EMC3: variants seen among roughly 807,000 people sequenced by gnomAD.
EMC3 encodes 30 kDa protein.
In EMC3, 13 loss-of-function variants were observed where a neutral mutation model predicts 36.6. The observed-to-expected ratio is 0.35, with a 90% CI of 0.23 to 0.56. The LOEUF is 0.56. Among genes scored for constraint, EMC3 ranks in the 20% least tolerant of loss-of-function variants. The pLI, the probability that EMC3 is intolerant of heterozygous loss-of-function variation, is 0.84. For missense variants in EMC3, 220 were observed against 324.5 expected (o/e 0.68, Z 2.47); for synonymous variants, 120 against 111.9 (o/e 1.07, Z -0.46).
chr3:9,981,111 AG>A (rs1015734048), intron 1 of EMC3, among the ~76,000 whole-genome samples: 10 of 152,160 alleles, frequency 6.6e-5, no homozygotes, highest in Non-Finnish European at 1.3e-4. Flanking sequence ...AGGCTGTGGG[AG>A]GATCACTTGA....
At chr3:9,977,359 G>T in intron 2 of EMC3, 30 bp downstream of exon 2, 1 of 1,593,578 alleles carries the variant, frequency 6.3e-7, no homozygotes. Flanking sequence ...AGTGAATCGT[G>T]GAGCTTTTTA....
chr3:9,979,351 C>T lies in EMC3; in HGVS notation c.156-1905G>A, dbSNP rs535502970. On this transcript the variant is annotated intron_variant, in intron 1 of 7. Coordinates refer to ENST00000245046, the MANE Select transcript of EMC3 (RefSeq NM_001394674.1). ...TATAAGAGATTAGAAATTTAAAAAA[C>T]AAAAAACCCCAAAACTGGTCCTTCA... Among the ~76,000 whole-genome samples the T allele has an allele frequency of 1.2e-3, 190 of 152,174 alleles. 1 individual carries two copies. Among genetic ancestry groups the T allele is most frequent in the Non-Finnish European group, 1.9e-3 (130 of 67,972 alleles).
chr3:9,988,232 A>G (rs1167945165), upstream of EMC3: 1 of 595,696 alleles, frequency 1.7e-6, no homozygotes, highest in Non-Finnish European at 3.1e-6. Context: ...CAGGCAGACT[A>G]CAGTGCAAGT....
At chr3:9,969,325 A>G in intron 7 of EMC3, 1 of 1,108,668 alleles carries the variant, frequency 9.0e-7, no homozygotes, top group East Asian at 8.5e-5. Flanking sequence ...CAAAAATCAT[A>G]CTAAATTTTG....
Position 9,973,705 on chromosome 3 carries a change from C to A in EMC3, c.417G>T (p.Lys139Asn). 1 of 1,614,032 alleles carries A rather than the reference C, an allele frequency of 6.2e-7. No individual in the cohort carries two copies. The highest frequency in any genetic ancestry group is 8.5e-7 in the Non-Finnish European group (1 of 1,179,924). Reference sequence around the variant, plus strand: ...AACGGAGGGTCAGTGGAAATGGGACCTTGGCTGCAGAGAAGAAAAAGTTCA... The same window carrying A: ...AACGGAGGGTCAGTGGAAATGGGACATTGGCTGCAGAGAAGAAAAAGTTCA... Reference protein sequence around the residue: ...NMTFSGFVTTKVPFPLTLRFK... With the variant: ...NMTFSGFVTTNVPFPLTLRFK... Residue 139 changes from lysine (K) to asparagine (N), a missense_variant, in exon 5 of 8, where the codon AAG (lysine) becomes AAT (asparagine). This residue lies in a region of EMC3 where 127 missense variants were observed against 174.6 expected (regional missense o/e 0.73). Coordinates refer to ENST00000245046, the MANE Select transcript of EMC3 (RefSeq NM_001394674.1).
At position 9,964,093 on chromosome 3, in the gene EMC3, C is replaced by G; in HGVS notation, c.762G>C (p.Lys254Asn). 6.2e-7 allele frequency: 1 copy of G among 1,614,140 alleles called. No homozygotes were observed. Residue 254 changes from lysine to asparagine, a missense_variant, in exon 8 of 8, where the codon AAG (lysine) becomes AAC (asparagine). This residue lies in a region of EMC3 where 37 missense variants were observed against 32.9 expected (regional missense o/e 1.13). Coordinates refer to ENST00000245046, the MANE Select transcript of EMC3 (RefSeq NM_001394674.1). ...TTCAAAAAATAGAGGTCTGTAATTC[C>G]TTTTTGAACATGCCTTCGAAGTGGA... The part of the protein sequence containing the change: ...KDLHFEGMFK[K>N]ELQTSIF
At chr3:10,007,681 C>T in intron 1 of EMC3, 1 of 1,324,390 alleles carries the variant, frequency 7.6e-7, no homozygotes, top group Non-Finnish European at 1.0e-6. Flanking sequence ...TTCCAGCTTC[C>T]CAGGAACCCG....
chr3:10,008,036 G>T (rs1049562878), intron 1 of EMC3, among the ~76,000 whole-genome samples: 1 of 152,114 alleles, frequency 6.6e-6, no homozygotes. Flanking sequence ...GGGGATGAAG[G>T]TCCCTCAGGT....
intron 1 of EMC3, chr3:10,006,932 G>A: frequency 9.7e-6 from 3 of 309,852 alleles, no homozygotes; most frequent in South Asian, 2.5e-5. Context: ...GGAGCCTGCA[G>A]CACTTTCCTG....
intron 4 of EMC3, 120 bp from the exon 5 acceptor site, chr3:9,973,829 A>AG: frequency 1.1e-6 from 1 of 885,500 alleles, no homozygotes; most frequent in Non-Finnish European, 1.8e-6. Flanking sequence ...CGACTTCCAC[A>AG]AGGAAATCTG....
At chr3:9,992,882 G>A (rs2086071830) in intron 1 of EMC3, 3 of 1,547,130 alleles carry the variant, frequency 1.9e-6, no homozygotes, top group Non-Finnish European at 2.7e-6. Context: ...TTGACCTGGT[G>A]ATGCTTTTCA....
upstream of EMC3, chr3:9,987,785 G>C (rs972868420): frequency 6.1e-6 from 3 of 493,708 alleles, no homozygotes; most frequent in African/African-American, 4.0e-5. Context: ...TTTTCAAAAT[G>C]TCCAACGTTT....
upstream of EMC3, among the ~76,000 whole-genome samples, chr3:9,989,132 G>A (rs1190892154): frequency 2.0e-5 from 3 of 152,168 alleles, no homozygotes; most frequent in Non-Finnish European, 4.4e-5. Context: ...CAAGATAATG[G>A]CATTCCATGT....
rs575594180 is a variant in EMC3 at position 9,986,769 on chromosome 3, G to A, written c.-108C>T. On this transcript the variant is annotated 5_prime_UTR_variant, in exon 1 of 8. It adds an upstream start codon to the 5' untranslated region. Transcript: ENST00000245046. The stretch of plus-strand genomic sequence containing the variant: ...CGGGCCTTCTCAAGCCCCTTTGCCC[G>A]TGTACCCCAGAACTCTCCTGCGACT... The A allele has an allele frequency of 4.4e-5, 68 of 1,532,078 alleles. No homozygotes were observed. In the Admixed American group the frequency reaches 1.0e-3, roughly 23 times the overall value. 94.9% of individuals were successfully genotyped at this position (1,532,078 alleles called of 1,614,324 possible).
chr3:9,967,799 G>T (rs2085747878), intron 7 of EMC3, among the ~76,000 whole-genome samples: 1 of 152,292 alleles, frequency 6.6e-6, no homozygotes, highest in Non-Finnish European at 1.5e-5. Context: ...TTGGAGTATT[G>T]CCATCTTAAC....
chr3:9,974,801 G>A (rs1047510102), intron 3 of EMC3, among the ~76,000 whole-genome samples: 4 of 148,126 alleles, frequency 2.7e-5, no homozygotes, highest in Admixed American at 6.8e-5. Flanking sequence ...CTCGTGATCC[G>A]CCTGCTTCGG....
intron 5 of EMC3, among the ~76,000 whole-genome samples, chr3:9,971,051 T>C (rs2085780523): frequency 6.6e-6 from 1 of 151,982 alleles, no homozygotes; most frequent in African/African-American, 2.4e-5. Flanking sequence ...ACCTCCTGAG[T>C]AGCTGGGACT....
chr3:10,010,272 A>T (rs1459413057), intron 1 of EMC3: 1 of 152,328 alleles, frequency 6.6e-6, no homozygotes, highest in Non-Finnish European at 1.5e-5. Flanking sequence ...CTCTACTAAA[A>T]ATACAAAAAA....
intron 5 of EMC3, 65 bp downstream of exon 5, chr3:9,973,563 G>T: frequency 6.9e-7 from 1 of 1,446,108 alleles, no homozygotes; most frequent in East Asian, 2.3e-5. Flanking sequence ...GGGCTCAAGT[G>T]ATCCTCCCGC....
Sources: gnomAD v4.1 joint callset for allele counts (sites outside exome capture counted in the v4.1 genomes callset) on GRCh38, gnomAD v4.1.1 for gene constraint, gnomAD v4.1.1 regional missense constraint, MANE v1.5 for transcripts, NCBI Gene and HGNC (gene_info 2026-07-23, HGNC 2026-07-21) for gene names.